STXBP4: variants seen among roughly 807,000 people sequenced by gnomAD.
The protein encoded by STXBP4 is syntaxin-binding protein 4.
Under a neutral mutation model 76.1 loss-of-function variants are expected in STXBP4, and 55 were observed. The observed-to-expected ratio is 0.72, with a 90% CI of 0.58 to 0.91. STXBP4 has a LOEUF of 0.91. STXBP4 is among the 40% of genes least tolerant of loss of function. The probability of loss-of-function intolerance (pLI) is 0.00; values close to 1 mark genes in which losing one functional copy is unlikely to be tolerated. For missense variants in STXBP4, 618 were observed against 636.9 expected, an observed-to-expected ratio of 0.97 and a Z score of 0.32; for synonymous variants, 201 against 220.2, an observed-to-expected ratio of 0.91 and a Z score of 0.77.
chr17:55,079,575 C>T (rs554746496), intron 15 of STXBP4, among the ~76,000 whole-genome samples: 2 of 140,742 alleles, frequency 1.4e-5, no homozygotes, highest in Non-Finnish European at 3.0e-5. Context: ...AACATAGTGG[C>T]ACACAGTGGG....
chr17:55,129,954 C>T (rs141912233), intron 16 of STXBP4, among the ~76,000 whole-genome samples: 1 of 152,026 alleles, frequency 6.6e-6, no homozygotes, highest in Non-Finnish European at 1.5e-5. Context: ...ATCTGAATCT[C>T]GAAATCAGAG....
chr17:55,107,210 C>A (rs2079646207), intron 16 of STXBP4, among the ~76,000 whole-genome samples: 1 of 152,160 alleles, frequency 6.6e-6, no homozygotes, highest in South Asian at 2.1e-4. Flanking sequence ...GATATCCTTT[C>A]TTCCGCTTTA....
At chr17:54,993,313 G>A (rs1430528511) in intron 4 of STXBP4, among the ~76,000 whole-genome samples, 1 of 152,152 alleles carries the variant, frequency 6.6e-6, no homozygotes, top group African/African-American at 2.4e-5. Context: ...AGGCAAGATA[G>A]AAAAAGGTGT....
chr17:55,098,693 A>G (rs2079526388), intron 16 of STXBP4, among the ~76,000 whole-genome samples: 1 of 152,210 alleles, frequency 6.6e-6, no homozygotes, highest in Non-Finnish European at 1.5e-5. Context: ...CCCTCAGTTT[A>G]ATTGCCTACT....
In STXBP4 at chr17:55,171,857, A is replaced by C. The variant is rs1321244570; in HGVS notation, c.*11946A>C. ...ACTTCTAGCCTCCAAACTGTGAGAC[A>C]ATACATTTCTGTTGCTTAAGCCACT... is the stretch of plus-strand genomic sequence containing the variant. On this transcript the variant is annotated 3_prime_UTR_variant, in exon 18 of 18. Transcript: ENST00000376352. The C allele has an allele frequency of 6.8e-6, 1 of 146,084 alleles. No individual in the cohort carries two copies. The highest frequency in any genetic ancestry group is 1.5e-5 in the Non-Finnish European group (1 of 65,682). The allele number at this position is 146,084 out of a possible 1,614,324, so 9.0% of individuals were successfully genotyped here.
chr17:55,136,262 C>G (rs1330982259), intron 16 of STXBP4, among the ~76,000 whole-genome samples: 2 of 152,114 alleles, frequency 1.3e-5, no homozygotes, highest in Non-Finnish European at 2.9e-5. Flanking sequence ...TTGGATAAAA[C>G]AGCATTGCTG....
At chr17:54,982,102 G>T (rs1241814206) in intron 1 of STXBP4, among the ~76,000 whole-genome samples, 1 of 152,126 alleles carries the variant, frequency 6.6e-6, no homozygotes, top group Admixed American at 6.5e-5. Flanking sequence ...TTGGCAATTT[G>T]TATCAATTTC....
intron 4 of STXBP4, among the ~76,000 whole-genome samples, chr17:54,993,972 T>A (rs949959331): frequency 8.5e-5 from 13 of 152,254 alleles, no homozygotes; most frequent in African/African-American, 2.4e-4. Flanking sequence ...CCAAAAGTTT[T>A]CCTCCTGGAA....
chr17:55,130,991 C>T (rs1259281594), intron 16 of STXBP4, among the ~76,000 whole-genome samples: 7 of 152,202 alleles, frequency 4.6e-5, no homozygotes, highest in Non-Finnish European at 8.8e-5. Context: ...GGCATTCAGA[C>T]ATCTCTTCAA....
chr17:55,081,094 TG>T lies in STXBP4; in HGVS notation c.1403del (p.Gly468GlufsTer51). The T allele has an allele frequency of 6.4e-7, 1 of 1,554,356 alleles. No individual in the cohort carries two copies. The highest frequency in any genetic ancestry group is 8.7e-7 in the Non-Finnish European group (1 of 1,155,822). On this transcript the variant is annotated frameshift_variant, in exon 16 of 18. Transcript: ENST00000376352. LOFTEE classifies it high-confidence loss of function. The part of the protein sequence containing the change: ...VLASQTSLTP[L>X]GRNGRSIPAT... ...GCTTCTCAGACTTCCCTCACACCACTGGGAAGGAATGGACGTAGCATCCCAG... is the reference window on the plus strand; with the variant it reads ...GCTTCTCAGACTTCCCTCACACCACTGGAAGGAATGGACGTAGCATCCCAG...
At chr17:55,197,926 G>A in the STXBP4 span, among the ~76,000 whole-genome samples, 1 of 152,136 alleles carries the variant, frequency 6.6e-6, no homozygotes, top group Non-Finnish European at 1.5e-5. Context: ...TGGGTTCTTG[G>A]AGTTTTAAAC....
At chr17:55,020,147 T>G (rs368242498) in intron 8 of STXBP4, among the ~76,000 whole-genome samples, 20 of 152,326 alleles carry the variant, frequency 1.3e-4, no homozygotes, top group African/African-American at 4.6e-4. Flanking sequence ...CAATTACATA[T>G]TTATTAGACA....
At chr17:55,147,258 T>C (rs2080167471) in intron 17 of STXBP4, among the ~76,000 whole-genome samples, 1 of 152,238 alleles carries the variant, frequency 6.6e-6, no homozygotes, top group African/African-American at 2.4e-5. Flanking sequence ...AGGATGAAAC[T>C]GTTCTACCTC....
At chr17:55,093,064 G>A (rs1392559836) in intron 16 of STXBP4, among the ~76,000 whole-genome samples, 2 of 151,646 alleles carry the variant, frequency 1.3e-5, no homozygotes, top group African/African-American at 2.4e-5. Context: ...GCGCAATCTC[G>A]GCTCACTGCA....
Position 55,054,892 on chromosome 17 carries a change from C to T in STXBP4, c.1011+7738C>T, listed in dbSNP as rs146482069. On this transcript the variant is annotated intron_variant, in intron 12 of 17. Coordinates refer to ENST00000376352, the MANE Select transcript of STXBP4 (RefSeq NM_178509.6). ...GGTGGCACGTGAGCTGACCCAGACACAGAAAGGCAGAGCATTTCAGGCTGA... is the reference window on the plus strand; with the variant it reads ...GGTGGCACGTGAGCTGACCCAGACATAGAAAGGCAGAGCATTTCAGGCTGA... Among the ~76,000 whole-genome samples the T allele has an allele frequency of 2.2e-4, 33 of 152,206 alleles. No individual in the cohort carries two copies. In the East Asian group the frequency reaches 6.0e-3, roughly 28 times the overall value.
intron 16 of STXBP4, among the ~76,000 whole-genome samples, chr17:55,132,666 G>C (rs910026447): frequency 2.6e-5 from 4 of 152,156 alleles, no homozygotes; most frequent in Admixed American, 6.5e-5. Flanking sequence ...GTGAAGCAAT[G>C]AATGAACAGT....
chr17:55,078,423 C>T (rs1265380347), intron 14 of STXBP4, among the ~76,000 whole-genome samples: 1 of 152,084 alleles, frequency 6.6e-6, no homozygotes, highest in Admixed American at 6.5e-5. Flanking sequence ...CAAGTATATA[C>T]TATTTTAATG....
intron 10 of STXBP4, among the ~76,000 whole-genome samples, chr17:55,036,092 A>C (rs2078597032): frequency 6.6e-6 from 1 of 151,994 alleles, no homozygotes; most frequent in East Asian, 1.9e-4. Context: ...CATGTTGTAC[A>C]ATATATCTCT....
chr17:55,074,136 A>T (rs189242964), intron 13 of STXBP4, among the ~76,000 whole-genome samples: 2 of 152,354 alleles, frequency 1.3e-5, no homozygotes, highest in Non-Finnish European at 2.9e-5. Flanking sequence ...CTAAGAGAAC[A>T]TAAAGAAAAT....
Sources: allele counts gnomAD v4.1 joint callset (sites outside exome capture counted in the v4.1 genomes callset), GRCh38; gene constraint gnomAD v4.1.1; transcripts MANE v1.5; gene names NCBI Gene and HGNC (gene_info 2026-07-23, HGNC 2026-07-21).